Variants in AMMECR1 observed in about 807,000 individuals in gnomAD.
The protein encoded by AMMECR1 is AMMECR nuclear protein 1.
AMMECR1 carries 3 observed loss-of-function variants against 22.5 expected under a neutral mutation model. That is an observed-to-expected ratio of 0.13 (90% CI 0.06 to 0.35). The LOEUF is 0.35. Ranked by LOEUF, AMMECR1 falls within the 10% of genes least tolerant of loss-of-function variation. The probability of loss-of-function intolerance (pLI) is 1.00; values close to 1 mark genes in which losing one functional copy is unlikely to be tolerated. For synonymous variants in AMMECR1, 130 were observed against 116.7 expected, an observed-to-expected ratio of 1.11 and a Z score of -0.74; for missense variants, 235 against 278.7, an observed-to-expected ratio of 0.84 and a Z score of 1.12.
chrX:110,439,470 G>A (rs1169447207), intron 1 of AMMECR1, among the ~76,000 whole-genome samples: 3 of 112,270 alleles, frequency 2.7e-5, no homozygotes, highest in African/African-American at 9.7e-5. Flanking sequence ...ATCTTTCACT[G>A]TTTCAGCAAA....
chrX:110,302,822 C>T (rs1187184746), intron 1 of AMMECR1, among the ~76,000 whole-genome samples: 3 of 109,791 alleles, frequency 2.7e-5, no homozygotes, highest in Non-Finnish European at 5.7e-5. Context: ...TGCAGTGAGC[C>T]GAGATCACGC....
intron 3 of AMMECR1, among the ~76,000 whole-genome samples, chrX:110,209,671 C>T (rs1383174785): frequency 9.0e-6 from 1 of 110,959 alleles, no homozygotes; most frequent in Admixed American, 9.6e-5. Flanking sequence ...GAAACAGAAG[C>T]CATCTTTTAA....
At chrX:110,418,822 C>A (rs2068696750) in intron 2 of AMMECR1, among the ~76,000 whole-genome samples, 1 of 111,743 alleles carries the variant, frequency 8.9e-6, no homozygotes, top group Non-Finnish European at 1.9e-5. Flanking sequence ...TATGTGTGAG[C>A]CGTATTTTAA....
At chrX:110,375,923 T>A (rs900828609) in intron 2 of AMMECR1, among the ~76,000 whole-genome samples, 4 of 111,659 alleles carry the variant, frequency 3.6e-5, no homozygotes, top group African/African-American at 1.3e-4. Flanking sequence ...CTAATATTGA[T>A]GTCAGTTATA....
At chrX:110,305,918 G>A (rs766985878) in intron 1 of AMMECR1, among the ~76,000 whole-genome samples, 5 of 110,949 alleles carry the variant, frequency 4.5e-5, no homozygotes, top group African/African-American at 9.9e-5. Context: ...GTGAGGTGGA[G>A]CTTTCAGTGA....
At chrX:110,436,553 C>T (rs1049706952) in intron 1 of AMMECR1, among the ~76,000 whole-genome samples, 6 of 112,020 alleles carry the variant, frequency 5.4e-5, no homozygotes, top group Non-Finnish European at 9.4e-5. Flanking sequence ...AGGGATGCTT[C>T]CCACTCCTCT....
intron 2 of AMMECR1, among the ~76,000 whole-genome samples, chrX:110,409,646 G>GT (rs113947141): frequency 0.12 from 12,378 of 101,061 alleles, 1,922 homozygotes; most frequent in African/African-American, 0.41. Flanking sequence ...TGCTGCTGCT[G>GT]TTTTTTTTTT....
intron 2 of AMMECR1, among the ~76,000 whole-genome samples, chrX:110,377,977 C>A (rs998200943): frequency 8.2e-5 from 8 of 96,987 alleles, no homozygotes; most frequent in Non-Finnish European, 1.4e-4. Flanking sequence ...CCACTGCACT[C>A]CAGCCTGGGC....
intron 2 of AMMECR1, among the ~76,000 whole-genome samples, chrX:110,342,520 C>T (rs1328751668): frequency 1.2e-4 from 13 of 110,834 alleles, no homozygotes; most frequent in African/African-American, 1.6e-4. Context: ...TACAGGCACA[C>T]GCCACCACGC....
At chrX:110,212,427 G>T (rs1176879540) in intron 3 of AMMECR1, among the ~76,000 whole-genome samples, 1 of 111,769 alleles carries the variant, frequency 8.9e-6, no homozygotes, top group Non-Finnish European at 1.9e-5. Flanking sequence ...GAATTCCACT[G>T]CAGTAACACA....
At chrX:110,360,272 C>T (rs775736340) in intron 2 of AMMECR1, among the ~76,000 whole-genome samples, 1 of 111,590 alleles carries the variant, frequency 9.0e-6, no homozygotes, top group Non-Finnish European at 1.9e-5. Context: ...ATAGTAGATA[C>T]CATTGGAAAG....
intron 2 of AMMECR1, among the ~76,000 whole-genome samples, chrX:110,385,028 A>G (rs957619930): frequency 3.6e-5 from 4 of 111,255 alleles, no homozygotes; most frequent in African/African-American, 1.3e-4. Flanking sequence ...GCAGAATAAT[A>G]GAAAAATAAC....
At chrX:110,227,614 AG>A (rs1374057898) in intron 2 of AMMECR1, among the ~76,000 whole-genome samples, 1 of 111,738 alleles carries the variant, frequency 8.9e-6, no homozygotes, top group Non-Finnish European at 1.9e-5. Flanking sequence ...AAGGTAAGGA[AG>A]AAAGAATAGT....
intron 2 of AMMECR1, among the ~76,000 whole-genome samples, chrX:110,345,501 A>AATAT (rs754942099): frequency 9.3e-6 from 1 of 107,232 alleles, no homozygotes; most frequent in African/African-American, 3.4e-5. Flanking sequence ...TAATAAAAAA[A>AATAT]ATATATATAT....
At chrX:110,348,978 T>C (rs1021910576) in intron 2 of AMMECR1, among the ~76,000 whole-genome samples, 3 of 112,292 alleles carry the variant, frequency 2.7e-5, no homozygotes, top group Non-Finnish European at 5.6e-5. Flanking sequence ...TTTGCTGTTA[T>C]CATCCCCAGG....
In AMMECR1 at chrX:110,198,636, TGAAA is replaced by T. The variant is rs766604767; in HGVS notation, c.888-6_888-3del. ...AGGGTCATCTTTTCACTACGATACC[TGAAA>T]GAAAGTCAGGGAAGAGAAAAGTTAA... On this transcript the variant is annotated splice_polypyrimidine_tract_variant and splice_region_variant and intron_variant, in intron 5 of 5. Transcript: ENST00000262844. The T allele has an allele frequency of 1.7e-6, 2 of 1,167,295 alleles. No homozygotes were observed. The highest frequency in any genetic ancestry group is 1.2e-6 in the Non-Finnish European group (1 of 855,790).
chrX:110,211,591 A>G (rs746972530), intron 3 of AMMECR1, among the ~76,000 whole-genome samples: 1 of 112,597 alleles, frequency 8.9e-6, no homozygotes, highest in Admixed American at 9.4e-5. Flanking sequence ...AAATGATGTC[A>G]ACTGAAGAAC....
chrX:110,308,723 T>C (rs765036675), intron 1 of AMMECR1, among the ~76,000 whole-genome samples: 1 of 111,404 alleles, frequency 9.0e-6, no homozygotes, highest in Admixed American at 9.5e-5. Flanking sequence ...TGGCAAGTTT[T>C]TTATTGGCTT....
chrX:110,433,774 G>A (rs767455500), intron 1 of AMMECR1, among the ~76,000 whole-genome samples: 11 of 111,671 alleles, frequency 9.9e-5, no homozygotes, highest in Non-Finnish European at 2.1e-4. Flanking sequence ...TGTCATTATC[G>A]GCATATTATA....
Sources: gnomAD v4.1 joint callset for allele counts (sites outside exome capture counted in the v4.1 genomes callset) on GRCh38, gnomAD v4.1.1 for gene constraint, MANE v1.5 for transcripts, NCBI Gene and HGNC (gene_info 2026-07-23, HGNC 2026-07-21) for gene names.